The following CACNA1S variants were observed in gnomAD, a reference collection of about 807,000 sequenced individuals.
CACNA1S encodes calcium voltage-gated channel subunit alpha1 S, also known as voltage-dependent L-type calcium channel subunit alpha-1S.
Under a neutral mutation model 207.4 loss-of-function variants are expected in CACNA1S, and 126 were observed. The ratio of observed to expected loss-of-function variants is 0.61; its 90% confidence interval spans 0.53 to 0.70. The LOEUF is 0.70. Ranked by LOEUF, CACNA1S falls within the 30% of genes least tolerant of loss-of-function variation. The pLI is 0.00. For synonymous variants in CACNA1S, 960 were observed against 932.7 expected, an observed-to-expected ratio of 1.03 and a Z score of -0.53; for missense variants, 2,349 against 2,422.8, an observed-to-expected ratio of 0.97 and a Z score of 0.64.
At chr1:201,043,591 T>C in intron 39 of CACNA1S, 60 bp from the exon 40 acceptor site, 1 of 1,482,506 alleles carries the variant, frequency 6.7e-7, no homozygotes, top group Non-Finnish European at 9.4e-7. Flanking sequence ...TGGGGGGCTG[T>C]CACTCTGGGA....
At position 201,039,840 on chromosome 1, in the gene CACNA1S, T is replaced by C. The variant is rs540156963; in HGVS notation, c.5613A>G (p.Pro1871=). Residue 1871 remains proline, a synonymous_variant, in exon 44 of 44, where the codon CCA becomes CCG. Transcript: ENST00000362061. ...HQGSQETLIP[P]RL is the part of the protein sequence containing the mutation. ...TGATGCTGTGTGGGCATCACAGCCT[T>C]GGAGGAATAAGGGTCTCCTGGGAGC... is the stretch of plus-strand genomic sequence containing the variant. 3 of 1,605,214 alleles carry C rather than the reference T, an allele frequency of 1.9e-6. No homozygotes were observed. In the African/African-American group the frequency reaches 4.0e-5, roughly 21 times the overall value.
At chr1:201,090,512 G>T (rs879111336) in intron 5 of CACNA1S, among the ~76,000 whole-genome samples, 1 of 152,158 alleles carries the variant, frequency 6.6e-6, no homozygotes, top group East Asian at 1.9e-4. Context: ...GTCATGAGGA[G>T]GTGAGTAGAG....
intron 7 of CACNA1S, 28 bp downstream of exon 7, chr1:201,087,798 C>T: frequency 6.9e-7 from 1 of 1,443,140 alleles, no homozygotes; most frequent in Non-Finnish European, 9.7e-7. Flanking sequence ...TTTCTCTTTT[C>T]TCCCCTGGCT....
At chr1:201,084,855 A>G (rs1661971775) in intron 9 of CACNA1S, 95 bp downstream of exon 9, 1 of 885,902 alleles carries the variant, frequency 1.1e-6, no homozygotes, top group Admixed American at 1.8e-5. Context: ...TAGACAAGTG[A>G]CTCTGAAACC....
chr1:201,095,977 G>A (rs1396293154), intron 2 of CACNA1S, among the ~76,000 whole-genome samples: 1 of 152,216 alleles, frequency 6.6e-6, no homozygotes, highest in Non-Finnish European at 1.5e-5. Context: ...AGTCAAGGCA[G>A]CATTTACAAT....
chr1:201,059,249 C>T lies in CACNA1S; in HGVS notation c.3465G>A (p.Val1155=). Residue 1155 remains valine, a synonymous_variant, in exon 27 of 44, where the codon GTG becomes GTA. Transcript: ENST00000362061. The part of the protein sequence containing the change: ...QMNHISDILN[V]AFTIIFTLEM... ...CCAGGGTGAAGATGATAGTGAAGGCCACATTGAGGATGTCTGAGATGTGGT... is the reference window on the plus strand; with the variant it reads ...CCAGGGTGAAGATGATAGTGAAGGCTACATTGAGGATGTCTGAGATGTGGT... The T allele has an allele frequency of 6.2e-7, 1 of 1,614,094 alleles. No homozygotes were observed. The highest frequency in any genetic ancestry group is 8.5e-7 in the Non-Finnish European group (1 of 1,179,980).
At chr1:201,103,519 G>A (rs981740864) in intron 2 of CACNA1S, among the ~76,000 whole-genome samples, 8 of 152,328 alleles carry the variant, frequency 5.3e-5, no homozygotes, top group South Asian at 2.1e-4. Flanking sequence ...TGGGATGGGC[G>A]GGGGAGAATC....
intron 22 of CACNA1S, among the ~76,000 whole-genome samples, chr1:201,063,740 A>G (rs2102578809): frequency 6.6e-6 from 1 of 152,274 alleles, no homozygotes; most frequent in South Asian, 2.1e-4. Context: ...TGCCCCTGCC[A>G]CACAGATCTG....
chr1:201,093,675 C>T (rs184226281), intron 3 of CACNA1S, among the ~76,000 whole-genome samples: 6 of 152,256 alleles, frequency 3.9e-5, no homozygotes, highest in Non-Finnish European at 5.9e-5. Context: ...GAGATTTGAC[C>T]TGCGGGCAGG....
chr1:201,106,723 C>T (rs191522030), intron 2 of CACNA1S, among the ~76,000 whole-genome samples: 69 of 152,282 alleles, frequency 4.5e-4, no homozygotes, highest in Admixed American at 1.4e-3. Context: ...TCCCACAGCC[C>T]GACATCCTGT....
chr1:201,069,680 C>T (rs1006351506), intron 17 of CACNA1S, 79 bp from the exon 18 acceptor site: 34 of 1,509,608 alleles, frequency 2.3e-5, no homozygotes, highest in South Asian at 3.6e-5. Flanking sequence ...ATCCTGCGGA[C>T]GAACATGGAA....
rs6675915 is a variant in CACNA1S, at chr1:201,041,734, T to C, written c.5049-145A>G. On this transcript the variant is annotated intron_variant, in intron 40 of 43. Coordinates refer to ENST00000362061, the MANE Select transcript of CACNA1S (RefSeq NM_000069.3). ...CAGCCGTGACTCTAGGGCTGACGTT[T>C]CCACCACTGTGCCCCAGCCAGCCCT... The C allele has an allele frequency of 0.48, 337,182 of 705,324 alleles. 85,265 individuals are homozygous for C. The highest frequency in any genetic ancestry group is 0.79 in the African/African-American group (45,460 of 57,258). 43.7% of individuals were successfully genotyped at this position (705,324 alleles called of 1,614,324 possible). A position where few individuals can be genotyped will look rare whatever the true frequency, so the allele number is the denominator to read the frequency against.
At chr1:201,050,357 G>A in intron 34 of CACNA1S, 32 bp downstream of exon 34, 1 of 1,613,160 alleles carries the variant, frequency 6.2e-7, no homozygotes, top group Non-Finnish European at 8.5e-7. Context: ...TAGGATGGAG[G>A]GCCCAGCACA....
chr1:201,108,103 T>C (rs1377899323), intron 2 of CACNA1S, among the ~76,000 whole-genome samples: 2 of 134,722 alleles, frequency 1.5e-5, no homozygotes, highest in Non-Finnish European at 1.5e-5. Context: ...CATTAAGATG[T>C]AATTTTTTTT....
intron 5 of CACNA1S, among the ~76,000 whole-genome samples, chr1:201,089,674 C>G (rs1296474335): frequency 6.6e-6 from 1 of 152,216 alleles, no homozygotes; most frequent in Non-Finnish European, 1.5e-5. Flanking sequence ...GGAATTATGT[C>G]TTGGGCCCCT....
intron 16 of CACNA1S, among the ~76,000 whole-genome samples, chr1:201,070,881 A>C (rs959718318): frequency 5.9e-5 from 9 of 152,154 alleles, no homozygotes; most frequent in Admixed American, 1.3e-4. Context: ...TGTTGAAATA[A>C]AAGGACCCTG....
rs563622787 is a variant in CACNA1S at position 201,087,485 on chromosome 1, A to G, written c.1004+341T>C. Among the ~76,000 whole-genome samples the G allele has an allele frequency of 1.4e-4, 21 of 152,278 alleles. No homozygotes were observed. The South Asian group carries it at 4.3e-3, about 32-fold the overall frequency. Reference sequence around the variant, plus strand: ...AGGGGCTTCACTGAGGAGTGTCAAAACAGAGGGACGGGAGGGGTGAGAATG... The same window carrying G: ...AGGGGCTTCACTGAGGAGTGTCAAAGCAGAGGGACGGGAGGGGTGAGAATG... On this transcript the variant is annotated intron_variant, in intron 7 of 43. Coordinates refer to ENST00000362061, the MANE Select transcript of CACNA1S (RefSeq NM_000069.3).
rs557659001 is a variant in CACNA1S, at chr1:201,094,607, C to A, written c.259-586G>T. On this transcript the variant is annotated intron_variant, in intron 2 of 43. Transcript: ENST00000362061. ...GGAGACGGGGGTGGATTACTCAGAA[C>A]TCCAGATGCCTTCCCTTGCTGGGCA... Among the ~76,000 whole-genome samples the A allele has an allele frequency of 2.8e-3, 422 of 152,254 alleles. 2 individuals carry two copies. The highest frequency in any genetic ancestry group is 4.3e-3 in the Non-Finnish European group (294 of 68,028).
chr1:201,068,353 C>T (rs150710608), intron 19 of CACNA1S, among the ~76,000 whole-genome samples: 7,173 of 146,074 alleles, frequency 0.049, 245 homozygotes, highest in Non-Finnish European at 0.066. Context: ...AGCAATTCTC[C>T]TGCCTCAGCC....
Sources: gnomAD v4.1 joint callset for allele counts (sites outside exome capture counted in the v4.1 genomes callset) on GRCh38, gnomAD v4.1.1 for gene constraint, MANE v1.5 for transcripts, NCBI Gene and HGNC (gene_info 2026-07-23, HGNC 2026-07-21) for gene names.